DNAAF4: variants seen among roughly 807,000 people sequenced by gnomAD.
DNAAF4 encodes dynein axonemal assembly factor 4.
Under a neutral mutation model 51.8 loss-of-function variants are expected in DNAAF4, and 43 were observed. That is an observed-to-expected ratio of 0.83 (90% CI 0.65 to 1.07). The LOEUF (loss-of-function observed/expected upper bound fraction) is 1.07, where lower values mean the gene tolerates loss of function less well. Ranked by LOEUF, DNAAF4 falls within the 50% of genes least tolerant of loss-of-function variation. The probability of loss-of-function intolerance (pLI) is 0.00; values close to 1 mark genes in which losing one functional copy is unlikely to be tolerated. For missense variants in DNAAF4, 581 were observed against 493.0 expected, an observed-to-expected ratio of 1.18 and a Z score of -1.69; for synonymous variants, 194 against 165.6, an observed-to-expected ratio of 1.17 and a Z score of -1.32.
Position 55,491,146 on chromosome 15 carries a change from A to G in DNAAF4, c.382T>C (p.Tyr128His). The G allele has an allele frequency of 6.2e-7, 1 of 1,613,986 alleles. No individual in the cohort carries two copies. Among genetic ancestry groups the G allele is most frequent in the Non-Finnish European group, 8.5e-7 (1 of 1,179,990 alleles). ...KAAAKREDQK[Y>H]ALSVMMKIEE... ...ACCTTCATCATGACACTTAGTGCGTATTTTTGATCTTCCCGCTTTGCTGCA... is the reference window on the plus strand; with the variant it reads ...ACCTTCATCATGACACTTAGTGCGTGTTTTTGATCTTCCCGCTTTGCTGCA... The change falls in exon 4 of 10, where the codon TAC becomes CAC. Residue 128 changes from tyrosine to histidine, a missense_variant. Transcript: ENST00000321149.
At chr15:55,495,151 T>A (rs2058623364) in intron 3 of DNAAF4, 1 of 134,942 alleles carries the variant, frequency 7.4e-6, no homozygotes, top group South Asian at 2.3e-4. Context: ...AAGTAAGAGG[T>A]CAAAAAACAG....
At chr15:55,419,844 A>T (rs970845524) in intron 7 of DNAAF4, among the ~76,000 whole-genome samples, 3 of 152,046 alleles carry the variant, frequency 2.0e-5, no homozygotes, top group African/African-American at 7.2e-5. Flanking sequence ...CAACTAAGAT[A>T]CAAAAAAATT....
At chr15:55,463,170 T>TCACA (rs754178816) in intron 5 of DNAAF4, among the ~76,000 whole-genome samples, 9,892 of 119,798 alleles carry the variant, frequency 0.083, 420 homozygotes, top group South Asian at 0.12. Context: ...TGAGACTCTG[T>TCACA]CTCACACACA....
chr15:55,486,607 C>T (rs939259092), intron 4 of DNAAF4, among the ~76,000 whole-genome samples: 1 of 151,986 alleles, frequency 6.6e-6, no homozygotes, highest in Non-Finnish European at 1.5e-5. Context: ...CATAGTTAGA[C>T]CCCATCTCTA....
chr15:55,497,560 A>C, intron 3 of DNAAF4, 152 bp downstream of exon 3: 1 of 786,530 alleles, frequency 1.3e-6, no homozygotes, highest in East Asian at 2.9e-5. Flanking sequence ...AGATCATGTC[A>C]CTGCACTCCA....
At chr15:55,457,740 A>G (rs2058040871) in intron 5 of DNAAF4, among the ~76,000 whole-genome samples, 1 of 152,194 alleles carries the variant, frequency 6.6e-6, no homozygotes, top group Non-Finnish European at 1.5e-5. Context: ...CACTGCTTAC[A>G]TAACCAGTAC....
rs1168483039 is a variant in DNAAF4, at chr15:55,435,041, T to A, written c.911A>T (p.Glu304Val). ...TGCATTGATAGCTGCCAAATAGTTTTCCGTTGCAAACAATTTGCTAATGAG... is the reference window on the plus strand; with the variant it reads ...TGCATTGATAGCTGCCAAATAGTTTACCGTTGCAAACAATTTGCTAATGAG... ...KDKGNKLFAT[E>V]NYLAAINAYN... Residue 304 changes from glutamate (E) to valine (V), a missense_variant, in exon 8 of 10, where the codon GAA (glutamate) becomes GTA (valine). Glu to Val is a moderately radical substitution (Grantham distance 121). Coordinates refer to ENST00000321149, the MANE Select transcript of DNAAF4 (RefSeq NM_130810.4). 1 of 1,592,262 alleles carries A rather than the reference T, an allele frequency of 6.3e-7. No homozygotes were observed. Among genetic ancestry groups the A allele is most frequent in the African/African-American group, 1.4e-5 (1 of 73,622 alleles).
intron 6 of DNAAF4, among the ~76,000 whole-genome samples, chr15:55,448,817 C>T (rs900161125): frequency 6.0e-5 from 9 of 151,094 alleles, no homozygotes; most frequent in Non-Finnish European, 1.2e-4. Context: ...TTGCAGTGAG[C>T]GGAGACTGCG....
intron 5 of DNAAF4, among the ~76,000 whole-genome samples, chr15:55,463,676 C>T (rs2058127792): frequency 6.6e-6 from 1 of 152,080 alleles, no homozygotes; most frequent in African/African-American, 2.4e-5. Flanking sequence ...AAGAACTCAA[C>T]CTCTTTTACA....
At chr15:55,481,177 T>G (rs911816082) in intron 4 of DNAAF4, among the ~76,000 whole-genome samples, 7 of 152,128 alleles carry the variant, frequency 4.6e-5, no homozygotes, top group Non-Finnish European at 7.4e-5. Context: ...TCATTAGCAG[T>G]GTGAGAATGG....
intron 4 of DNAAF4, among the ~76,000 whole-genome samples, chr15:55,480,856 T>A (rs1288725488): frequency 6.6e-6 from 1 of 152,114 alleles, no homozygotes; most frequent in South Asian, 2.1e-4. Context: ...GGGCTCTGTA[T>A]CCCCACCCAA....
Position 55,450,370 on chromosome 15 carries a change from T to A in DNAAF4, c.638-3A>T. The A allele has an allele frequency of 6.2e-7, 1 of 1,607,560 alleles. No individual in the cohort carries two copies. Among genetic ancestry groups the A allele is most frequent in the Non-Finnish European group, 8.5e-7 (1 of 1,178,116 alleles). On this transcript the variant is annotated splice_region_variant and splice_polypyrimidine_tract_variant and intron_variant, in intron 5 of 9. Coordinates refer to ENST00000321149, the MANE Select transcript of DNAAF4 (RefSeq NM_130810.4). ...AAATATATTTTCTGAATTTCTCCCT[T>A]CAAAAACAATGGTAGCAAACAAGTC...
intron 7 of DNAAF4, among the ~76,000 whole-genome samples, chr15:55,438,246 G>A (rs2057648721): frequency 6.6e-6 from 1 of 151,828 alleles, no homozygotes; most frequent in South Asian, 2.1e-4. Context: ...AGCTACTGAG[G>A]AGGCTGAGGC....
intron 4 of DNAAF4, among the ~76,000 whole-genome samples, chr15:55,474,742 G>A (rs1414753833): frequency 6.6e-6 from 1 of 152,060 alleles, no homozygotes; most frequent in African/African-American, 2.4e-5. Context: ...ACTTTGGGAG[G>A]TTGAGGTGGG....
intron 1 of DNAAF4, among the ~76,000 whole-genome samples, chr15:55,502,453 A>T (rs1233542429): frequency 6.6e-6 from 1 of 152,224 alleles, no homozygotes; most frequent in Non-Finnish European, 1.5e-5. Context: ...AACCTAGCAT[A>T]AAAATGCTCA....
chr15:55,425,801 T>C (rs1161692544), downstream of DNAAF4, among the ~76,000 whole-genome samples: 2 of 152,148 alleles, frequency 1.3e-5, no homozygotes, highest in Non-Finnish European at 2.9e-5. Flanking sequence ...AACCTCTTTC[T>C]GGGATGTGTT....
At chr15:55,469,698 G>C (rs1302430841) in intron 4 of DNAAF4, among the ~76,000 whole-genome samples, 1 of 151,362 alleles carries the variant, frequency 6.6e-6, no homozygotes, top group Non-Finnish European at 1.5e-5. Context: ...CACTGTGTTA[G>C]CCAGGATGGT....
At chr15:55,466,160 TGCACACAATCTCA>T (rs2058168648) in intron 5 of DNAAF4, among the ~76,000 whole-genome samples, 1 of 152,226 alleles carries the variant, frequency 6.6e-6, no homozygotes. Flanking sequence ...TGGTGGCTCA[TGCACACAATCTCA>T]GCACTTTGGG....
In DNAAF4 at chr15:55,430,556, G is replaced by C; in HGVS notation, c.*114C>G. ...GATTTATAATATTTTGCCCTCAACAGAACTAAAGTACTAAACAGAAAGCGA... is the reference window on the plus strand; with the variant it reads ...GATTTATAATATTTTGCCCTCAACACAACTAAAGTACTAAACAGAAAGCGA... On this transcript the variant is annotated 3_prime_UTR_variant, in exon 10 of 10. Coordinates refer to ENST00000321149, the MANE Select transcript of DNAAF4 (RefSeq NM_130810.4). 1.5e-6 allele frequency: 2 copies of C among 1,371,978 alleles called. No homozygotes were observed. Among genetic ancestry groups the C allele is most frequent in the Non-Finnish European group, 1.9e-6 (2 of 1,061,144 alleles). 85.0% of individuals were successfully genotyped at this position (1,371,978 alleles called of 1,614,324 possible). A position where few individuals can be genotyped will look rare whatever the true frequency, so the allele number is the denominator to read the frequency against.
Sources: allele counts gnomAD v4.1 joint callset (sites outside exome capture counted in the v4.1 genomes callset), GRCh38; gene constraint gnomAD v4.1.1; transcripts MANE v1.5; gene names NCBI Gene and HGNC (gene_info 2026-07-23, HGNC 2026-07-21).